Variants in PGM1 observed in about 807,000 individuals in gnomAD.
PGM1 encodes phosphoglucomutase 1.
Under a neutral mutation model 55.6 loss-of-function variants are expected in PGM1, and 52 were observed. The observed-to-expected ratio is 0.94, with a 90% CI of 0.75 to 1.18. The LOEUF (loss-of-function observed/expected upper bound fraction) is 1.18, where lower values mean the gene tolerates loss of function less well. Ranked by LOEUF, PGM1 falls within the 50% of genes most tolerant of loss-of-function variation. The pLI is 0.00. For missense variants in PGM1, 724 were observed against 729.3 expected, an observed-to-expected ratio of 0.99 and a Z score of 0.08; for synonymous variants, 287 against 271.7, an observed-to-expected ratio of 1.06 and a Z score of -0.55.
chr1:63,655,749 A>G (rs1649946492), intron 10 of PGM1: 1 of 152,322 alleles, frequency 6.6e-6, no homozygotes, highest in Non-Finnish European at 1.5e-5. Context: ...AAAGGCTCCA[A>G]GATTTCGGAC....
rs147170218 is a variant in PGM1, at chr1:63,605,353, T to A, written c.246+11619T>A. ...CCTGATCAGTTCCATGTGCTGGTAA[T>A]CACAGTGAAAGTTCTCACCTAGATA... is the stretch of plus-strand genomic sequence containing the variant. On this transcript the variant is annotated intron_variant, in intron 1 of 10. Coordinates refer to ENST00000371084, the MANE Select transcript of PGM1 (RefSeq NM_002633.3). Among the ~76,000 whole-genome samples the A allele has an allele frequency of 4.0e-3, 616 of 152,304 alleles. 4 individuals are homozygous for A. Among genetic ancestry groups the A allele is most frequent in the African/African-American group, 0.014 (571 of 41,572 alleles).
At chr1:63,650,430 A>G (rs1649776677) in intron 8 of PGM1, among the ~76,000 whole-genome samples, 1 of 152,214 alleles carries the variant, frequency 6.6e-6, no homozygotes, top group African/African-American at 2.4e-5. Flanking sequence ...GTAAAGCACA[A>G]ACACCTGGTT....
intron 8 of PGM1, among the ~76,000 whole-genome samples, chr1:63,650,112 A>G (rs1570514142): frequency 6.6e-6 from 1 of 152,360 alleles, no homozygotes; most frequent in East Asian, 1.9e-4. Flanking sequence ...CTAACCAAGT[A>G]TTACAAATCA....
intron 1 of PGM1, among the ~76,000 whole-genome samples, chr1:63,616,604 A>G (rs1405180787): frequency 1.3e-5 from 2 of 152,212 alleles, no homozygotes; most frequent in Non-Finnish European, 2.9e-5. Context: ...AATGAATACA[A>G]CACATCGGTC....
intron 1 of PGM1, among the ~76,000 whole-genome samples, chr1:63,610,299 T>G (rs1021135337): frequency 4.6e-5 from 7 of 152,250 alleles, no homozygotes; most frequent in African/African-American, 1.7e-4. Context: ...TGTAAGCCTC[T>G]TGCCAAAAAC....
intron 7 of PGM1, among the ~76,000 whole-genome samples, chr1:63,639,578 C>G (rs750235109): frequency 2.6e-5 from 4 of 152,062 alleles, no homozygotes; most frequent in Non-Finnish European, 4.4e-5. Context: ...ATGTATCAGT[C>G]TCCGGCCAGG....
At chr1:63,623,661 A>G (rs369768075) in intron 1 of PGM1, 4 of 1,612,466 alleles carry the variant, frequency 2.5e-6, no homozygotes, top group Non-Finnish European at 3.4e-6. Context: ...CCATAGACCT[A>G]AAAGATCGCC....
chr1:63,593,469 C>A lies in PGM1; in HGVS notation c.-20C>A, dbSNP rs1177627829. On this transcript the variant is annotated 5_prime_UTR_variant, in exon 1 of 11. Transcript: ENST00000371084. ...GCCAGCCAAGTCCGCCGCTCTGACC[C>A]CCGGCAGCAAGTCGCCACCATGGTG... 3 of 1,613,436 alleles carry A rather than the reference C, an allele frequency of 1.9e-6. No individual in the cohort carries two copies. Among genetic ancestry groups the A allele is most frequent in the Non-Finnish European group, 2.5e-6 (3 of 1,179,866 alleles).
At chr1:63,621,730 G>A (rs1297071366) in intron 1 of PGM1, among the ~76,000 whole-genome samples, 1 of 152,148 alleles carries the variant, frequency 6.6e-6, no homozygotes, top group African/African-American at 2.4e-5. Flanking sequence ...TGGCTGACTG[G>A]TTTTCAACAT....
rs978168676 is a variant in PGM1, at chr1:63,658,475, G to A, written c.1600-1111G>A. On this transcript the variant is annotated intron_variant, in intron 10 of 10. Transcript: ENST00000371084. The stretch of plus-strand genomic sequence containing the variant: ...TTTTTAAAGATTCCTGTATTAGGCC[G>A]GGTGCGGTGGCTCACGCCTGTAATC... Among the ~76,000 whole-genome samples, 4 of 151,636 alleles carry A rather than the reference G, an allele frequency of 2.6e-5. 1 individual carries two copies. The highest frequency in any genetic ancestry group is 4.8e-5 in the African/African-American group (2 of 41,264).
intron 1 of PGM1, among the ~76,000 whole-genome samples, chr1:63,611,433 G>T (rs868251688): frequency 6.6e-6 from 1 of 152,206 alleles, no homozygotes; most frequent in South Asian, 2.1e-4. Flanking sequence ...GAGGGAGGCC[G>T]CCGGTGACTC....
intron 1 of PGM1, chr1:63,594,026 G>A (rs904478812): frequency 9.0e-7 from 1 of 1,115,708 alleles, no homozygotes; most frequent in Non-Finnish European, 1.1e-6. Flanking sequence ...TCCGTCTCTA[G>A]CCGCTGCCTT....
chr1:63,629,673 G>A, intron 2 of PGM1, 86 bp downstream of exon 2: 1 of 1,378,438 alleles, frequency 7.3e-7, no homozygotes, highest in Non-Finnish European at 1.0e-6. Context: ...CCAGGGTTTT[G>A]GTTCTGATCC....
chr1:63,630,974 G>A (rs1324670742), intron 3 of PGM1, among the ~76,000 whole-genome samples: 1 of 152,144 alleles, frequency 6.6e-6, no homozygotes, highest in Non-Finnish European at 1.5e-5. Context: ...AGACATTCTT[G>A]AGGTTCAGAA....
At chr1:63,627,388 G>A (rs74572818) in intron 1 of PGM1, among the ~76,000 whole-genome samples, 4,648 of 152,186 alleles carry the variant, frequency 0.031, 199 homozygotes, top group African/African-American at 0.1. Context: ...AATCATGTGG[G>A]ACAGAGGCAG....
At chr1:63,657,917 T>C (rs984250619) in intron 10 of PGM1, among the ~76,000 whole-genome samples, 4 of 152,256 alleles carry the variant, frequency 2.6e-5, no homozygotes, top group African/African-American at 9.6e-5. Flanking sequence ...AAATTGTGTT[T>C]GTCTTTTGAT....
chr1:63,625,088 C>T (rs1648983938), intron 1 of PGM1, among the ~76,000 whole-genome samples: 2 of 152,186 alleles, frequency 1.3e-5, no homozygotes, highest in African/African-American at 4.8e-5. Context: ...TATTTCTCCA[C>T]ATATATCTAG....
intron 6 of PGM1, among the ~76,000 whole-genome samples, chr1:63,636,756 CAT>C (rs1335946952): frequency 6.6e-6 from 1 of 152,234 alleles, no homozygotes; most frequent in East Asian, 1.9e-4. Context: ...CACACACACA[CAT>C]ACACGTATAA....
At chr1:63,643,585 T>G (rs574981803) in intron 7 of PGM1, among the ~76,000 whole-genome samples, 1 of 152,276 alleles carries the variant, frequency 6.6e-6, no homozygotes, top group South Asian at 2.1e-4. Flanking sequence ...CTCACCTTCC[T>G]TTCCAAGTGA....
Sources: allele counts gnomAD v4.1 joint callset (sites outside exome capture counted in the v4.1 genomes callset), GRCh38; gene constraint gnomAD v4.1.1; transcripts MANE v1.5; gene names NCBI Gene and HGNC (gene_info 2026-07-23, HGNC 2026-07-21).